Variants in CFAP61 observed in about 807,000 individuals in gnomAD.
CFAP61 encodes the protein cilia- and flagella-associated protein 61.
CFAP61 carries 107 observed loss-of-function variants against 135.6 expected under a neutral mutation model. That is an observed-to-expected ratio of 0.79 (90% CI 0.67 to 0.93). CFAP61 has a LOEUF of 0.93. Among genes scored for constraint, CFAP61 ranks in the 40% least tolerant of loss-of-function variants. The probability of loss-of-function intolerance (pLI) is 0.00; values close to 1 mark genes in which losing one functional copy is unlikely to be tolerated. For synonymous variants in CFAP61, 575 were observed against 578.5 expected, an observed-to-expected ratio of 0.99 and a Z score of 0.09; for missense variants, 1,507 against 1,556.2, an observed-to-expected ratio of 0.97 and a Z score of 0.53.
chr20:20,123,981 T>G (rs2049876872), intron 8 of CFAP61, among the ~76,000 whole-genome samples: 1 of 147,784 alleles, frequency 6.8e-6, no homozygotes, highest in African/African-American at 2.5e-5. Flanking sequence ...GTTTTTTTTT[T>G]TTTTTTTTTT....
chr20:20,313,809 T>TG (rs1254468143), intron 25 of CFAP61, among the ~76,000 whole-genome samples: 1 of 152,212 alleles, frequency 6.6e-6, no homozygotes, highest in East Asian at 1.9e-4. Context: ...GGCATGACCC[T>TG]GGCTTCTGGT....
At chr20:20,300,394 A>G (rs1410606157) in intron 25 of CFAP61, among the ~76,000 whole-genome samples, 4 of 152,150 alleles carry the variant, frequency 2.6e-5, no homozygotes, top group African/African-American at 9.7e-5. Flanking sequence ...TTGCCTCTGA[A>G]GCCCTTCCAG....
intron 19 of CFAP61, 43 bp downstream of exon 19, chr20:20,246,258 C>A: frequency 8.5e-7 from 1 of 1,180,054 alleles, no homozygotes; most frequent in South Asian, 1.2e-5. Context: ...CCTAAATGTC[C>A]TACTCTGTGT....
At chr20:20,305,122 C>T (rs140285335) in intron 25 of CFAP61, among the ~76,000 whole-genome samples, 8 of 150,676 alleles carry the variant, frequency 5.3e-5, no homozygotes, top group African/African-American at 1.2e-4. Context: ...GCGCCACCAC[C>T]GCCTCCACAC....
At chr20:20,128,058 T>C (rs1050416932) in intron 8 of CFAP61, among the ~76,000 whole-genome samples, 2 of 151,634 alleles carry the variant, frequency 1.3e-5, no homozygotes, top group Non-Finnish European at 2.9e-5. Context: ...CAGTAGTCTG[T>C]TTCCATGTGA....
chr20:20,200,105 G>A (rs2056534592), intron 17 of CFAP61, among the ~76,000 whole-genome samples: 1 of 152,254 alleles, frequency 6.6e-6, no homozygotes, highest in Non-Finnish European at 1.5e-5. Flanking sequence ...GCCTAAAGCA[G>A]TAGCCACAGG....
intron 17 of CFAP61, among the ~76,000 whole-genome samples, chr20:20,222,664 T>C (rs905950420): frequency 6.6e-5 from 10 of 152,214 alleles, no homozygotes; most frequent in African/African-American, 2.4e-4. Context: ...TTTGAAACTT[T>C]TTAATTATTT....
At chr20:20,178,930 A>G (rs1161018698) in intron 13 of CFAP61, among the ~76,000 whole-genome samples, 2 of 152,086 alleles carry the variant, frequency 1.3e-5, no homozygotes, top group East Asian at 1.9e-4. Context: ...AAATTGTTTC[A>G]TGATTCTATT....
chr20:20,326,349 G>A (rs141904961), intron 25 of CFAP61, among the ~76,000 whole-genome samples: 38 of 152,038 alleles, frequency 2.5e-4, no homozygotes, highest in East Asian at 7.7e-4. Context: ...TAATCAAACC[G>A]TCTCTAACAA....
chr20:20,057,720 AATTT>A (rs1476714921), intron 2 of CFAP61, among the ~76,000 whole-genome samples: 23 of 151,998 alleles, frequency 1.5e-4, no homozygotes, highest in Non-Finnish European at 2.6e-4. Context: ...TTATTTAATT[AATTT>A]ATTTATTTTT....
At chr20:20,158,894 T>C (rs2053174214) in intron 9 of CFAP61, among the ~76,000 whole-genome samples, 1 of 152,224 alleles carries the variant, frequency 6.6e-6, no homozygotes, top group African/African-American at 2.4e-5. Flanking sequence ...TAGCTTATTG[T>C]ATGTCAATTC....
At chr20:20,264,486 TCA>T (rs1282558477) in intron 21 of CFAP61, among the ~76,000 whole-genome samples, 1 of 152,240 alleles carries the variant, frequency 6.6e-6, no homozygotes, top group Non-Finnish European at 1.5e-5. Context: ...GGAATTATTT[TCA>T]GTTTTGCATC....
chr20:20,154,185 T>C (rs1569018414), intron 9 of CFAP61, among the ~76,000 whole-genome samples: 1 of 151,878 alleles, frequency 6.6e-6, no homozygotes, highest in Non-Finnish European at 1.5e-5. Context: ...CTCAGCAAAA[T>C]TGGCATAAAA....
rs1252047306 is a variant in CFAP61, at chr20:20,320,403, A to AATATATT, written c.3423-21422_3423-21421insTATATAT. Among the ~76,000 whole-genome samples the AATATATT allele has an allele frequency of 3.9e-5, 3 of 76,630 alleles. 1 individual carries two copies. Among genetic ancestry groups the AATATATT allele is most frequent in the Non-Finnish European group, 7.0e-5 (3 of 42,712 alleles). The allele number at this position is 76,630 out of a possible 152,430, so 50.3% of individuals were successfully genotyped here. A position where few individuals can be genotyped will look rare whatever the true frequency, so the allele number is the denominator to read the frequency against. ...TATATGTAATATATATAATATATGT[A>AATATATT]ATATATGTAATATATATTATATATG... On this transcript the variant is annotated intron_variant, in intron 25 of 26. Transcript: ENST00000245957.
chr20:20,248,968 C>T (rs182123478), intron 19 of CFAP61, among the ~76,000 whole-genome samples: 3 of 152,278 alleles, frequency 2.0e-5, no homozygotes, highest in East Asian at 3.9e-4. Flanking sequence ...TTTTGAGTCA[C>T]GGTCAAGCTC....
chr20:20,170,612 C>A (rs1262842403), intron 13 of CFAP61, among the ~76,000 whole-genome samples: 1 of 152,140 alleles, frequency 6.6e-6, no homozygotes, highest in African/African-American at 2.4e-5. Flanking sequence ...AAAGTTGATG[C>A]ACAATCTTCT....
At chr20:20,124,214 T>A (rs2049902864) in intron 8 of CFAP61, among the ~76,000 whole-genome samples, 2 of 151,764 alleles carry the variant, frequency 1.3e-5, no homozygotes, top group Admixed American at 1.3e-4. Flanking sequence ...TCTTTACTGA[T>A]TTGGATGCCC....
At chr20:20,344,782 C>T (rs1400281813) in intron 26 of CFAP61, among the ~76,000 whole-genome samples, 1 of 151,998 alleles carries the variant, frequency 6.6e-6, no homozygotes, top group Non-Finnish European at 1.5e-5. Flanking sequence ...ATCAGTATAT[C>T]GAAGGGATAC....
intron 2 of CFAP61, among the ~76,000 whole-genome samples, chr20:20,064,921 A>G (rs2045125104): frequency 6.6e-6 from 1 of 152,202 alleles, no homozygotes; most frequent in Non-Finnish European, 1.5e-5. Context: ...GAGGCTTGCC[A>G]ACTAAAGGTT....
Sources: allele counts gnomAD v4.1 joint callset (sites outside exome capture counted in the v4.1 genomes callset), GRCh38; gene constraint gnomAD v4.1.1; transcripts MANE v1.5; gene names NCBI Gene and HGNC (gene_info 2026-07-23, HGNC 2026-07-21).